Variants in ARID1B observed in about 807,000 individuals in gnomAD.
The protein encoded by ARID1B is AT-rich interactive domain-containing protein 1B.
Under a neutral mutation model 212.3 loss-of-function variants are expected in ARID1B, and 30 were observed. The ratio of observed to expected loss-of-function variants is 0.14; its 90% confidence interval spans 0.11 to 0.19. The LOEUF is 0.19. ARID1B is among the 10% of genes least tolerant of loss of function. The pLI is 1.00. For missense variants in ARID1B, 2,891 were observed against 3,204.0 expected, an observed-to-expected ratio of 0.90 and a Z score of 2.36; for synonymous variants, 1,402 against 1,301.7, an observed-to-expected ratio of 1.08 and a Z score of -1.66.
intron 4 of ARID1B, chr6:156,942,821 C>T (rs1792780009): frequency 6.6e-6 from 1 of 152,144 alleles, no homozygotes; most frequent in African/African-American, 2.4e-5. Context: ...CAGTGTGAGG[C>T]GTTGAATGCA....
At chr6:157,045,569 G>A (rs1782179928) in intron 4 of ARID1B, among the ~76,000 whole-genome samples, 2 of 152,002 alleles carry the variant, frequency 1.3e-5, no homozygotes, top group South Asian at 4.1e-4. Context: ...AGCGGGATGT[G>A]TTTTCTAGTG....
At chr6:157,039,266 G>T (rs1781536565) in intron 4 of ARID1B, among the ~76,000 whole-genome samples, 1 of 150,722 alleles carries the variant, frequency 6.6e-6, no homozygotes, top group East Asian at 1.9e-4. Context: ...TTTAGCTTTT[G>T]CTGATCTATA....
intron 13 of ARID1B, among the ~76,000 whole-genome samples, chr6:157,188,921 A>AATTCTGTT (rs1259693025): frequency 6.6e-6 from 1 of 152,182 alleles, no homozygotes; most frequent in Non-Finnish European, 1.5e-5. Context: ...AAATCAGTTC[A>AATTCTGTT]ATTCTGTTAT....
At position 156,898,896 on chromosome 6, in the gene ARID1B, A is replaced by C. The variant is rs529544784; in HGVS notation, c.1987-2480A>C. 4.6e-5 allele frequency among the ~76,000 whole-genome samples: 7 copies of C among 152,254 alleles called. No individual in the cohort carries two copies. In the South Asian group the frequency reaches 8.3e-4, roughly 18 times the overall value. On this transcript the variant is annotated intron_variant, in intron 2 of 19. Transcript: ENST00000636930. Reference sequence around the variant, plus strand: ...TGAGGCAGGAGAATCGTTTGAACCCAGGAGGTGGAGGTTGTGGCGAGCCAA... The same window carrying C: ...TGAGGCAGGAGAATCGTTTGAACCCCGGAGGTGGAGGTTGTGGCGAGCCAA...
chr6:156,902,762 A>AAG lies in ARID1B; in HGVS notation c.2136+1237_2136+1238insAG, dbSNP rs1235308967. Among the ~76,000 whole-genome samples the AAG allele has an allele frequency of 3.4e-4, 49 of 145,682 alleles. 2 individuals are homozygous for AAG. The highest frequency in any genetic ancestry group is 1.3e-3 in the African/African-American group (48 of 37,866). On this transcript the variant is annotated intron_variant, in intron 3 of 19. Coordinates refer to ENST00000636930, the MANE Select transcript of ARID1B (RefSeq NM_001374828.1). The stretch of plus-strand genomic sequence containing the variant: ...AAAAAAAAAAAAAAAAAAAAAAAAA[A>AAG]GTAACATCTGTGGGGTTTGTAGCAG...
At chr6:156,831,931 G>A (rs1050336140) in intron 2 of ARID1B, among the ~76,000 whole-genome samples, 2 of 152,196 alleles carry the variant, frequency 1.3e-5, no homozygotes, top group African/African-American at 2.4e-5. Flanking sequence ...TTCATAATGA[G>A]TTAATCAAAG....
intron 4 of ARID1B, among the ~76,000 whole-genome samples, chr6:157,057,435 C>T (rs1206320041): frequency 6.6e-6 from 1 of 151,972 alleles, no homozygotes; most frequent in African/African-American, 2.4e-5. Context: ...TGTATATACA[C>T]ACATCTATAA....
chr6:156,933,584 G>T (rs1471441458), intron 3 of ARID1B, among the ~76,000 whole-genome samples: 3 of 152,166 alleles, frequency 2.0e-5, no homozygotes, highest in Admixed American at 2.0e-4. Flanking sequence ...GTCACCCTCT[G>T]CTGGCAACCA....
At chr6:156,970,466 C>T (rs879764065) in intron 4 of ARID1B, among the ~76,000 whole-genome samples, 2 of 152,224 alleles carry the variant, frequency 1.3e-5, no homozygotes, top group Admixed American at 1.3e-4. Context: ...GCATTTCACT[C>T]TCTTCTGTCA....
intron 3 of ARID1B, among the ~76,000 whole-genome samples, chr6:156,921,812 CTTT>C (rs752486352): frequency 2.6e-5 from 4 of 152,132 alleles, no homozygotes; most frequent in Non-Finnish European, 5.9e-5. Flanking sequence ...ACAGAATCTT[CTTT>C]ATCTTTTATT....
At chr6:156,873,516 C>T (rs1196200046) in intron 2 of ARID1B, among the ~76,000 whole-genome samples, 1 of 152,138 alleles carries the variant, frequency 6.6e-6, no homozygotes, top group East Asian at 1.9e-4. Context: ...TGGTGATTTA[C>T]AGGATAAGTG....
chr6:157,092,225 A>G (rs935575147), intron 5 of ARID1B, among the ~76,000 whole-genome samples: 2 of 152,254 alleles, frequency 1.3e-5, no homozygotes, highest in Admixed American at 1.3e-4. Flanking sequence ...CTGCTTAGCA[A>G]TAGTTAAGAA....
chr6:157,192,887 G>C (rs1285425928), intron 15 of ARID1B, among the ~76,000 whole-genome samples: 6 of 152,174 alleles, frequency 3.9e-5, no homozygotes, highest in Non-Finnish European at 8.8e-5. Flanking sequence ...ACTTAATGGT[G>C]CTCTGATTTT....
At chr6:156,953,967 A>G (rs893222335) in intron 4 of ARID1B, among the ~76,000 whole-genome samples, 7 of 152,214 alleles carry the variant, frequency 4.6e-5, no homozygotes, top group African/African-American at 1.7e-4. Flanking sequence ...CTGCAAGGAT[A>G]AAAGCATTAT....
intron 3 of ARID1B, among the ~76,000 whole-genome samples, chr6:156,922,761 C>T (rs1290365615): frequency 1.3e-5 from 2 of 152,274 alleles, no homozygotes; most frequent in South Asian, 2.1e-4. Flanking sequence ...TACAGATTCT[C>T]CTCCCAGACA....
At chr6:157,202,738 T>G (rs895232497) in intron 18 of ARID1B, among the ~76,000 whole-genome samples, 2 of 149,840 alleles carry the variant, frequency 1.3e-5, no homozygotes, top group African/African-American at 2.4e-5. Flanking sequence ...TATATATATA[T>G]AGATAGATAT....
At chr6:157,004,903 T>G (rs1344776496) in intron 4 of ARID1B, among the ~76,000 whole-genome samples, 7,901 of 81,896 alleles carry the variant, frequency 0.096, 716 homozygotes, top group Non-Finnish European at 0.13. Context: ...TTTTCTTTTT[T>G]TTTTTTTTTT....
intron 4 of ARID1B, among the ~76,000 whole-genome samples, chr6:157,000,521 A>G (rs973775604): frequency 1.3e-5 from 2 of 152,238 alleles, no homozygotes; most frequent in African/African-American, 4.8e-5. Flanking sequence ...CAATTATAGG[A>G]CTAATCCTAA....
chr6:157,065,702 A>G (rs78692739), intron 4 of ARID1B, among the ~76,000 whole-genome samples: 2,232 of 152,346 alleles, frequency 0.015, 60 homozygotes, highest in African/African-American at 0.051. Context: ...CAGGGAGAAT[A>G]CCAAAGAAGA....
Sources: gnomAD v4.1 joint callset for allele counts (sites outside exome capture counted in the v4.1 genomes callset) on GRCh38, gnomAD v4.1.1 for gene constraint, MANE v1.5 for transcripts, NCBI Gene and HGNC (gene_info 2026-07-23, HGNC 2026-07-21) for gene names.